MYT1: variants seen among roughly 807,000 people sequenced by gnomAD.
The protein encoded by MYT1 is myelin transcription factor 1.
In MYT1, 23 loss-of-function variants were observed where a neutral mutation model predicts 123.0. That is an observed-to-expected ratio of 0.19 (90% CI 0.13 to 0.26). The LOEUF (loss-of-function observed/expected upper bound fraction) is 0.26. Among genes scored for constraint, MYT1 ranks in the 10% least tolerant of loss-of-function variants. The pLI, the probability that MYT1 is intolerant of heterozygous loss-of-function variation, is 1.00. For missense variants in MYT1, 1,125 were observed against 1,472.5 expected (o/e 0.76, Z 3.86); for synonymous variants, 518 against 575.3 (o/e 0.90, Z 1.43).
At chr20:64,183,763 G>A (rs948888959) in intron 1 of MYT1, among the ~76,000 whole-genome samples, 2 of 152,160 alleles carry the variant, frequency 1.3e-5, no homozygotes, top group East Asian at 1.9e-4. Flanking sequence ...TCAGATTTAC[G>A]ATTTGCAAAT....
At chr20:64,178,086 G>T (rs1305882192) in intron 1 of MYT1, among the ~76,000 whole-genome samples, 1 of 152,222 alleles carries the variant, frequency 6.6e-6, no homozygotes, top group Non-Finnish European at 1.5e-5. Flanking sequence ...GATCCTCCTT[G>T]GTCCCAGCTT....
intron 4 of MYT1, among the ~76,000 whole-genome samples, chr20:64,201,739 C>A (rs1247781924): frequency 6.6e-6 from 1 of 152,242 alleles, no homozygotes; most frequent in Non-Finnish European, 1.5e-5. Flanking sequence ...GCAGACGAGA[C>A]CTCTGTCCTG....
chr20:64,170,878 TATATATAGAGAGAGAGAGAGAGAG>T (rs1326555807), intron 1 of MYT1, among the ~76,000 whole-genome samples: 1 of 55,640 alleles, frequency 1.8e-5, no homozygotes, highest in Non-Finnish European at 3.1e-5. Flanking sequence ...TATATATATA[TATATATAGAGAGAGAGAGAGAGAG>T]AGAGAGAGAG....
In MYT1 at chr20:64,213,439, A is replaced by T. The variant is rs1260015355; in HGVS notation, c.1518-95A>T. ...GTTCACCTGGAGTTCTCACATCTGA[A>T]TGACCTTGCCGTGAGACACCCACAC... On this transcript the variant is annotated intron_variant, in intron 9 of 22. Coordinates refer to ENST00000328439, the MANE Select transcript of MYT1 (RefSeq NM_004535.3). The surrounding 1 kb of genome is among the most constrained non-coding windows in gnomAD (Gnocchi z 5.6). 1.5e-5 allele frequency: 13 copies of T among 885,150 alleles called. No individual in the cohort carries two copies. The highest frequency in any genetic ancestry group is 2.4e-5 in the Non-Finnish European group (13 of 550,520). The allele number at this position is 885,150 out of a possible 1,614,324, so 54.8% of individuals were successfully genotyped here. A position where few individuals can be genotyped will look rare whatever the true frequency, so the allele number is the denominator to read the frequency against.
intron 16 of MYT1, among the ~76,000 whole-genome samples, chr20:64,226,301 C>G (rs892640776): frequency 2.0e-5 from 3 of 152,270 alleles, no homozygotes; most frequent in African/African-American, 4.8e-5. Flanking sequence ...GCCAGCCCTG[C>G]TGTGCCGCCA....
At chr20:64,226,621 A>G (rs1237446577) in intron 16 of MYT1, among the ~76,000 whole-genome samples, 3 of 152,118 alleles carry the variant, frequency 2.0e-5, no homozygotes, top group Non-Finnish European at 4.4e-5. Context: ...ACCTCCTCCC[A>G]CTCTCTAACA....
chr20:64,210,346 T>C (rs1034202188), intron 7 of MYT1, among the ~76,000 whole-genome samples: 1 of 152,154 alleles, frequency 6.6e-6, no homozygotes, highest in Non-Finnish European at 1.5e-5. Flanking sequence ...GGGACTGATG[T>C]TGGGGCACAG....
At position 64,213,641 on chromosome 20, in the gene MYT1, T is replaced by A; in HGVS notation, c.1625T>A (p.Ile542Asn). 6.2e-7 allele frequency: 1 copy of A among 1,613,502 alleles called. No homozygotes were observed. Among genetic ancestry groups the A allele is most frequent in the South Asian group, 1.1e-5 (1 of 91,050 alleles). ...AAGAGTAGCTCCAATTCCGATCGGA[T>A]CCTCAGGTGAGTGAGATGAGCCACA... ...PSKSSSNSDR[I>N]LRPMCFVKQL... The change falls in exon 10 of 23, where the codon ATC becomes AAC. Residue 542 changes from isoleucine to asparagine, a missense_variant. Physicochemically the swap from Ile to Asn is moderately radical, Grantham distance 149 (BLOSUM62 -3). Around this residue, in one of 4 missense-constraint regions of MYT1, gnomAD observed 429 missense variants for 604.1 expected, o/e 0.71. Transcript: ENST00000328439. This position sits in a 1 kb window ranked among gnomAD's most constrained non-coding sequence, Gnocchi z 5.6.
At chr20:64,188,675 C>G (rs1483510199) in intron 1 of MYT1, among the ~76,000 whole-genome samples, 1 of 152,218 alleles carries the variant, frequency 6.6e-6, no homozygotes, top group African/African-American at 2.4e-5. Flanking sequence ...AATTGGATTA[C>G]CTGGTGGGCA....
intron 7 of MYT1, among the ~76,000 whole-genome samples, chr20:64,209,882 C>T (rs1983614360): frequency 6.6e-6 from 1 of 152,148 alleles, no homozygotes; most frequent in African/African-American, 2.4e-5. Flanking sequence ...TTTGCGGGGA[C>T]ACCCTTTAGG....
rs1202170132 is a variant in MYT1 at position 64,232,037 on chromosome 20, C to T, written c.2676-127C>T. On this transcript the variant is annotated intron_variant, in intron 18 of 22. Transcript: ENST00000328439. This position sits in a 1 kb window ranked among gnomAD's most constrained non-coding sequence, Gnocchi z 6.9. ...AGGCTCCAGGACCTCAGCGGCCCTC[C>T]CTGCCTCACTCAGAAGCCCTTTAAC... 4 of 918,594 alleles carry T rather than the reference C, an allele frequency of 4.4e-6. No individual in the cohort carries two copies. The Admixed American group carries it at 9.0e-5, about 21-fold the overall frequency. The allele number at this position is 918,594 out of a possible 1,614,324, so 56.9% of individuals were successfully genotyped here.
Position 64,207,968 on chromosome 20 carries a change from G to A in MYT1, c.772G>A (p.Glu258Lys), listed in dbSNP as rs377464140. The change falls in exon 7 of 23, where the codon GAA becomes AAA. Residue 258 changes from glutamate to lysine, a missense_variant. Physicochemically the swap from Glu to Lys is moderately conservative, Grantham distance 56. Coordinates refer to ENST00000328439, the MANE Select transcript of MYT1 (RefSeq NM_004535.3). ...SSKQKGILSH[E>K]EEDEEEEEEE... ...CAAGCAGAAAGGCATCCTGAGTCAC[G>A]AAGAGGAGGACGAGGAGGAGGAGGA... 2.2e-5 allele frequency: 36 copies of A among 1,607,322 alleles called. No individual in the cohort carries two copies. The highest frequency in any genetic ancestry group is 3.4e-4 in the Middle Eastern group (2 of 5,894).
chr20:64,207,695 T>C lies in MYT1; in HGVS notation c.499T>C (p.Ser167Pro). The change falls in exon 7 of 23, where the codon TCT becomes CCT. Residue 167 changes from serine to proline, a missense_variant. Ser to Pro is a moderately conservative substitution (Grantham distance 74, BLOSUM62 -1). Transcript: ENST00000328439. Reference protein sequence around the residue: ...YSSYQGIIATSLLNLGQIAEE... With the variant: ...YSSYQGIIATPLLNLGQIAEE... ...CAGCTACCAGGGAATCATCGCAACT[T>C]CTCTCCTGAACTTGGGTCAAATTGC... 6.2e-7 allele frequency: 1 copy of C among 1,613,962 alleles called. No homozygotes were observed. The highest frequency in any genetic ancestry group is 8.5e-7 in the Non-Finnish European group (1 of 1,179,978).
intron 19 of MYT1, among the ~76,000 whole-genome samples, chr20:64,235,689 G>GGTGGTGGGTGACCCTTGGCTGGCC (rs1568722675): frequency 1.1e-5 from 1 of 88,902 alleles, no homozygotes; most frequent in Non-Finnish European, 2.2e-5. Flanking sequence ...CTGGGCTGGT[G>GGTGGTGGGTGACCCTTGGCTGGCC]GTGGTGGGTG....
intron 1 of MYT1, among the ~76,000 whole-genome samples, chr20:64,184,391 T>C (rs543603319): frequency 4.6e-5 from 7 of 152,196 alleles, no homozygotes; most frequent in South Asian, 2.1e-4. Context: ...ACAGTTTTTT[T>C]CCCATTAAAT....
chr20:64,201,072 A>G (rs1180992524), intron 4 of MYT1, among the ~76,000 whole-genome samples: 5 of 152,184 alleles, frequency 3.3e-5, no homozygotes, highest in Non-Finnish European at 5.9e-5. Context: ...GACACGGTGG[A>G]GACAAAGACG....
intron 17 of MYT1, 97 bp from the exon 18 acceptor site, chr20:64,227,791 T>G: frequency 9.6e-5 from 49 of 509,896 alleles, no homozygotes; most frequent in Non-Finnish European, 1.7e-4. Flanking sequence ...CACCCCACCC[T>G]GGGGTCACAG....
rs895813918 is a variant in MYT1 at position 64,196,506 on chromosome 20, T to C, written c.1-2356T>C. On this transcript the variant is annotated intron_variant, in intron 2 of 22. Coordinates refer to ENST00000328439, the MANE Select transcript of MYT1 (RefSeq NM_004535.3). The surrounding 1 kb of genome is among the most constrained non-coding windows in gnomAD (Gnocchi z 4.3). ...GTCAGCCGGCACTGCTGATTTCAAA[T>C]AGCTCAGAAACCAGTGTCCCAAGTC... Among the ~76,000 whole-genome samples, 1 of 152,246 alleles carries C rather than the reference T, an allele frequency of 6.6e-6. No homozygotes were observed. Among genetic ancestry groups the C allele is most frequent in the African/African-American group, 2.4e-5 (1 of 41,468 alleles).
intron 10 of MYT1, among the ~76,000 whole-genome samples, chr20:64,214,393 G>A (rs181414091): frequency 2.3e-4 from 35 of 152,388 alleles, no homozygotes; most frequent in Admixed American, 1.0e-3. Flanking sequence ...AAGTCCATGT[G>A]TGTGTGCATG....
Sources: gnomAD v4.1 joint callset for allele counts (sites outside exome capture counted in the v4.1 genomes callset) on GRCh38, gnomAD v4.1.1 for gene constraint, gnomAD v4.1.1 regional missense constraint, Gnocchi (gnomAD v3.1) non-coding constraint, MANE v1.5 for transcripts, NCBI Gene and HGNC (gene_info 2026-07-23, HGNC 2026-07-21) for gene names.